Variants in FTCDNL1 observed in about 807,000 individuals in gnomAD.
FTCDNL1 encodes formiminotransferase N-terminal subdomain-containing protein.
FTCDNL1 carries 11 observed loss-of-function variants against 5.9 expected under a neutral mutation model. The ratio of observed to expected loss-of-function variants is 1.87; its 90% CI spans 1.18 to 3.10. The LOEUF is 3.10. Among genes scored for constraint, FTCDNL1 ranks in the 30% most tolerant of loss-of-function variants. The probability of loss-of-function intolerance (pLI) is 0.00; values close to 1 mark genes in which losing one functional copy is unlikely to be tolerated. For synonymous variants in FTCDNL1, 58 were observed against 24.8 expected, an observed-to-expected ratio of 2.34 and a Z score of -3.99; for missense variants, 115 against 65.5, an observed-to-expected ratio of 1.76 and a Z score of -2.61.
the FTCDNL1 span, among the ~76,000 whole-genome samples, chr2:199,728,395 C>G: frequency 6.6e-6 from 1 of 151,970 alleles, no homozygotes; most frequent in Non-Finnish European, 1.5e-5. Context: ...TATAGGCTCC[C>G]GCCACCATGC....
chr2:199,677,467 T>A, the FTCDNL1 span, among the ~76,000 whole-genome samples: 20 of 152,234 alleles, frequency 1.3e-4, no homozygotes, highest in South Asian at 4.0e-3. Flanking sequence ...TTGGTCAGAG[T>A]CCAGCATATA....
At chr2:199,802,542 A>G (rs1254691311) in intron 3 of FTCDNL1, among the ~76,000 whole-genome samples, 8 of 152,192 alleles carry the variant, frequency 5.3e-5, no homozygotes, top group Non-Finnish European at 1.2e-4. Flanking sequence ...CACAATCCAC[A>G]TCCATCCTGG....
intron 3 of FTCDNL1, among the ~76,000 whole-genome samples, chr2:199,831,628 A>ACG (rs1702376658): frequency 6.6e-6 from 1 of 152,198 alleles, no homozygotes; most frequent in African/African-American, 2.4e-5. Flanking sequence ...TTATACATGT[A>ACG]TGTAAGTAAA....
chr2:199,793,927 G>A (rs531367203), intron 3 of FTCDNL1, among the ~76,000 whole-genome samples: 25 of 152,194 alleles, frequency 1.6e-4, no homozygotes, highest in African/African-American at 5.8e-4. Flanking sequence ...TCAAAGTGTA[G>A]GACCAAAACG....
At chr2:199,750,479 G>A in the FTCDNL1 span, among the ~76,000 whole-genome samples, 1 of 152,160 alleles carries the variant, frequency 6.6e-6, no homozygotes, top group South Asian at 2.1e-4. Flanking sequence ...GGGGGGAAAA[G>A]GTTGTTTCCA....
At chr2:199,825,243 A>G (rs935399893) in intron 3 of FTCDNL1, among the ~76,000 whole-genome samples, 1 of 152,196 alleles carries the variant, frequency 6.6e-6, no homozygotes, top group African/African-American at 2.4e-5. Flanking sequence ...CAAAGTGAAC[A>G]CACGCTGTTG....
At chr2:199,823,040 G>A (rs1701794701) in intron 3 of FTCDNL1, among the ~76,000 whole-genome samples, 1 of 152,070 alleles carries the variant, frequency 6.6e-6, no homozygotes, top group African/African-American at 2.4e-5. Flanking sequence ...TAGCAGAGAT[G>A]GGTTTCACTA....
chr2:199,719,006 T>C, the FTCDNL1 span, among the ~76,000 whole-genome samples: 2 of 152,142 alleles, frequency 1.3e-5, no homozygotes, highest in African/African-American at 4.8e-5. Context: ...TTGTTTACTC[T>C]GTTGACTATT....
chr2:199,773,025 T>C (rs1698889679), intron 3 of FTCDNL1, among the ~76,000 whole-genome samples: 1 of 152,222 alleles, frequency 6.6e-6, no homozygotes, highest in African/African-American at 2.4e-5. Context: ...TTGTCTTTTT[T>C]GTTTGGCCAG....
chr2:199,686,849 C>T, the FTCDNL1 span, among the ~76,000 whole-genome samples: 3 of 152,136 alleles, frequency 2.0e-5, no homozygotes, highest in African/African-American at 7.2e-5. Flanking sequence ...CTGAGCTCAG[C>T]AACTCAAATG....
intron 3 of FTCDNL1, among the ~76,000 whole-genome samples, chr2:199,794,674 T>C (rs1232682149): frequency 1.3e-5 from 2 of 152,174 alleles, no homozygotes; most frequent in Admixed American, 6.6e-5. Flanking sequence ...GTCCAGGAGT[T>C]TGAGACCAGC....
chr2:199,793,232 T>C (rs552657977), intron 3 of FTCDNL1, among the ~76,000 whole-genome samples: 30 of 152,142 alleles, frequency 2.0e-4, no homozygotes, highest in Non-Finnish European at 3.7e-4. Flanking sequence ...ATGGAAATAA[T>C]ACATGAGATC....
At chr2:199,770,758 CAA>C (rs768780631) in intron 3 of FTCDNL1, among the ~76,000 whole-genome samples, 1 of 152,194 alleles carries the variant, frequency 6.6e-6, no homozygotes, top group Non-Finnish European at 1.5e-5. Context: ...CAGGCAAACA[CAA>C]AGAGTATTCT....
chr2:199,793,370 G>A (rs1417920732), intron 3 of FTCDNL1, among the ~76,000 whole-genome samples: 4 of 151,958 alleles, frequency 2.6e-5, no homozygotes, highest in African/African-American at 9.7e-5. Flanking sequence ...CGGAGGAGGG[G>A]GGGCATTACT....
chr2:199,682,486 G>A, the FTCDNL1 span, among the ~76,000 whole-genome samples: 1 of 152,130 alleles, frequency 6.6e-6, no homozygotes, highest in Non-Finnish European at 1.5e-5. Flanking sequence ...TAAAAAGACA[G>A]CCTGCATTTG....
chr2:199,796,424 C>T (rs1278869700), intron 3 of FTCDNL1, among the ~76,000 whole-genome samples: 4 of 152,142 alleles, frequency 2.6e-5, no homozygotes, highest in Non-Finnish European at 4.4e-5. Context: ...CTCTAGCAAA[C>T]GGTACCGTCA....
chr2:199,825,963 C>T (rs1320392261), intron 3 of FTCDNL1, among the ~76,000 whole-genome samples: 1 of 142,186 alleles, frequency 7.0e-6, no homozygotes, highest in Non-Finnish European at 1.6e-5. Context: ...TCCAAATGTT[C>T]TGGTCACATG....
At chr2:199,738,271 C>A in the FTCDNL1 span, among the ~76,000 whole-genome samples, 2 of 152,174 alleles carry the variant, frequency 1.3e-5, no homozygotes, top group African/African-American at 4.8e-5. Flanking sequence ...TTTTCTACAG[C>A]ATGAGATAAA....
chr2:199,743,939 G>A, the FTCDNL1 span, among the ~76,000 whole-genome samples: 1 of 152,154 alleles, frequency 6.6e-6, no homozygotes, highest in Non-Finnish European at 1.5e-5. Flanking sequence ...TAAGGAAATA[G>A]GCTGGCTCTC....
Sources: gnomAD v4.1 joint callset for allele counts (sites outside exome capture counted in the v4.1 genomes callset) on GRCh38, gnomAD v4.1.1 for gene constraint, MANE v1.5 for transcripts, NCBI Gene and HGNC (gene_info 2026-07-23, HGNC 2026-07-21) for gene names.